NEBL: variants seen among roughly 807,000 people sequenced by gnomAD.
The protein encoded by NEBL is LIM and SH3 protein 2.
NEBL carries 122 observed loss-of-function variants against 140.2 expected under a neutral mutation model. The ratio of observed to expected loss-of-function variants is 0.87; its 90% CI spans 0.75 to 1.01. The LOEUF is 1.01. Ranked by LOEUF, NEBL falls within the 50% of genes least tolerant of loss-of-function variation. The pLI is 0.00. For missense variants in NEBL, 1,365 were observed against 1,231.3 expected (o/e 1.11, Z -1.62); for synonymous variants, 436 against 398.9 (o/e 1.09, Z -1.11).
intron 26 of NEBL, among the ~76,000 whole-genome samples, chr10:20,797,083 G>T (rs1413969916): frequency 2.0e-5 from 3 of 152,186 alleles, no homozygotes; most frequent in Admixed American, 6.5e-5. Context: ...TTCCACTCAT[G>T]TATCCCTATC....
At chr10:20,875,275 C>G (rs1845382283) in intron 5 of NEBL, among the ~76,000 whole-genome samples, 2 of 152,120 alleles carry the variant, frequency 1.3e-5, no homozygotes, top group South Asian at 4.1e-4. Flanking sequence ...GCAGAGCATC[C>G]AAGGTGCCCG....
chr10:21,039,593 T>A (rs1834175115), intron 2 of NEBL, among the ~76,000 whole-genome samples: 1 of 152,164 alleles, frequency 6.6e-6, no homozygotes, highest in Non-Finnish European at 1.5e-5. Context: ...AGAACTAAAT[T>A]ATGTAAAAGA....
chr10:21,024,241 A>T (rs1838930839), intron 2 of NEBL, among the ~76,000 whole-genome samples: 1 of 152,192 alleles, frequency 6.6e-6, no homozygotes, highest in African/African-American at 2.4e-5. Context: ...AAATCCTAAG[A>T]TTTAATGATT....
chr10:21,202,474 T>C (rs986558671), intron 3 of NEBL, among the ~76,000 whole-genome samples: 1 of 146,986 alleles, frequency 6.8e-6, no homozygotes, highest in Non-Finnish European at 1.5e-5. Flanking sequence ...TTTTTTTTTT[T>C]TTTTTTTGAA....
intron 1 of NEBL, among the ~76,000 whole-genome samples, chr10:21,255,321 G>A (rs1045470866): frequency 3.3e-5 from 5 of 152,062 alleles, no homozygotes; most frequent in African/African-American, 4.8e-5. Context: ...CCAAGGTTGA[G>A]AGGAGGAGTC....
At chr10:20,825,951 G>A (rs1839808369) in intron 18 of NEBL, among the ~76,000 whole-genome samples, 1 of 152,158 alleles carries the variant, frequency 6.6e-6, no homozygotes, top group African/African-American at 2.4e-5. Flanking sequence ...AAGAAGAAAT[G>A]GGCAGAAGCG....
At chr10:20,895,708 T>C (rs1277021717) in intron 2 of NEBL, among the ~76,000 whole-genome samples, 1 of 152,180 alleles carries the variant, frequency 6.6e-6, no homozygotes, top group Non-Finnish European at 1.5e-5. Flanking sequence ...ACATCACATG[T>C]CAAGTATATG....
chr10:20,923,117 G>A (rs1833673913), intron 4 of NEBL, among the ~76,000 whole-genome samples: 1 of 151,962 alleles, frequency 6.6e-6, no homozygotes, highest in Admixed American at 6.6e-5. Flanking sequence ...CACCCAGGCT[G>A]GAGTGCAGTG....
At chr10:21,010,861 T>A (rs966163063) in intron 3 of NEBL, among the ~76,000 whole-genome samples, 25 of 152,238 alleles carry the variant, frequency 1.6e-4, no homozygotes, top group African/African-American at 6.0e-4. Flanking sequence ...TCCTGTGCCA[T>A]TCTTTAAACA....
rs11012360 is a variant in NEBL, at chr10:20,852,477, G to A, written c.1008+68C>T. On this transcript the variant is annotated intron_variant, in intron 10 of 27. Transcript: ENST00000377122. ...TCTCAGTTAAGACGCACGGCAGTGA[G>A]CGGCGGGCCTCAGGATGGTTACGGG... The A allele has an allele frequency of 2.5e-3, 2,441 of 984,482 alleles. 28 individuals carry two copies. In the African/African-American group the frequency reaches 0.031, roughly 13 times the overall value. 61.0% of individuals were successfully genotyped at this position (984,482 alleles called of 1,614,324 possible). A position where few individuals can be genotyped will look rare whatever the true frequency, so the allele number is the denominator to read the frequency against.
At chr10:21,083,357 G>A (rs1053386633) in intron 2 of NEBL, among the ~76,000 whole-genome samples, 3 of 151,994 alleles carry the variant, frequency 2.0e-5, no homozygotes, top group Non-Finnish European at 4.4e-5. Context: ...CCTTCTTCTG[G>A]GCACTCATCA....
intron 3 of NEBL, among the ~76,000 whole-genome samples, chr10:20,998,013 A>T (rs1837741782): frequency 6.6e-6 from 1 of 152,232 alleles, no homozygotes; most frequent in African/African-American, 2.4e-5. Flanking sequence ...TAAATTAAAT[A>T]CAATAAAAGG....
chr10:20,797,704 G>T (rs764158291), intron 26 of NEBL, among the ~76,000 whole-genome samples: 16 of 152,136 alleles, frequency 1.1e-4, no homozygotes, highest in South Asian at 4.1e-4. Flanking sequence ...GCACACAATC[G>T]TAAGGATAGT....
chr10:21,171,330 T>C (rs1403141124), intron 2 of NEBL, among the ~76,000 whole-genome samples: 1 of 132,958 alleles, frequency 7.5e-6, no homozygotes. Flanking sequence ...AGCAAACTTC[T>C]GTCTCAAAAA....
chr10:21,148,788 A>C (rs374492748), intron 2 of NEBL, among the ~76,000 whole-genome samples: 1 of 152,046 alleles, frequency 6.6e-6, no homozygotes. Context: ...AGCCTCCCAA[A>C]GTGCTGGGAT....
intron 2 of NEBL, among the ~76,000 whole-genome samples, chr10:20,894,189 G>T (rs1044741312): frequency 6.6e-6 from 1 of 152,196 alleles, no homozygotes; most frequent in Non-Finnish European, 1.5e-5. Context: ...AACGAAGCAG[G>T]GCCAGCCCGG....
At chr10:20,847,971 T>C (rs1266333513) in intron 11 of NEBL, among the ~76,000 whole-genome samples, 1 of 152,208 alleles carries the variant, frequency 6.6e-6, no homozygotes, top group African/African-American at 2.4e-5. Flanking sequence ...TAAAATTAAA[T>C]GAGTGCTGGC....
chr10:20,966,785 C>T (rs979770147), intron 3 of NEBL, among the ~76,000 whole-genome samples: 5 of 152,076 alleles, frequency 3.3e-5, no homozygotes, highest in East Asian at 1.9e-4. Context: ...CTGCAAACAG[C>T]GCAATTATTA....
At chr10:21,224,744 T>C (rs928139340) in intron 3 of NEBL, among the ~76,000 whole-genome samples, 1 of 152,180 alleles carries the variant, frequency 6.6e-6, no homozygotes, top group African/African-American at 2.4e-5. Context: ...GATTCCTAAG[T>C]AGTTAATTTA....
Sources: allele counts gnomAD v4.1 joint callset (sites outside exome capture counted in the v4.1 genomes callset), GRCh38; gene constraint gnomAD v4.1.1; transcripts MANE v1.5; gene names NCBI Gene and HGNC (gene_info 2026-07-23, HGNC 2026-07-21).